Variants in ABCA5 observed in about 807,000 individuals in gnomAD.
ABCA5 encodes the protein ATP binding cassette subfamily A member 5.
ABCA5 carries 163 observed loss-of-function variants against 206.0 expected under a neutral mutation model. That is an observed-to-expected ratio of 0.79 (90% CI 0.70 to 0.90). The LOEUF (loss-of-function observed/expected upper bound fraction) is 0.90, where lower values mean the gene tolerates loss of function less well. ABCA5 is among the 40% of genes least tolerant of loss of function. The pLI is 0.00. For missense variants in ABCA5, 1,859 were observed against 1,912.9 expected (o/e 0.97, Z 0.53); for synonymous variants, 609 against 613.8 (o/e 0.99, Z 0.11).
intron 1 of ABCA5, among the ~76,000 whole-genome samples, chr17:69,316,400 T>C (rs1027989612): frequency 1.3e-5 from 2 of 151,124 alleles, no homozygotes; most frequent in African/African-American, 4.9e-5. Flanking sequence ...GGCAAAAGAA[T>C]CGCTTGAACC....
chr17:69,260,307 T>C, intron 27 of ABCA5, 31 bp downstream of exon 27: 6 of 1,508,768 alleles, frequency 4.0e-6, no homozygotes, highest in Non-Finnish European at 5.5e-6. Context: ...TTAAGGTACA[T>C]GCTAATTCAC....
intron 1 of ABCA5, among the ~76,000 whole-genome samples, chr17:69,324,512 A>C (rs188634416): frequency 8.1e-4 from 123 of 152,316 alleles, no homozygotes; most frequent in African/African-American, 2.9e-3. Flanking sequence ...TAATTTGTGC[A>C]CTCATATCTT....
At chr17:69,278,294 C>T (rs909601115) in intron 18 of ABCA5, among the ~76,000 whole-genome samples, 2 of 152,192 alleles carry the variant, frequency 1.3e-5, no homozygotes, top group African/African-American at 2.4e-5. Flanking sequence ...TATTTAAGAT[C>T]TTATTATCTC....
intron 6 of ABCA5, 86 bp downstream of exon 6, chr17:69,306,639 G>A (rs903201424): frequency 3.2e-6 from 2 of 620,250 alleles, no homozygotes; most frequent in Non-Finnish European, 4.7e-6. Context: ...CATCAAGTTA[G>A]GTAAATATCA....
intron 1 of ABCA5, chr17:69,317,003 G>C: frequency 6.6e-6 from 1 of 152,202 alleles, no homozygotes; most frequent in East Asian, 1.9e-4. Context: ...TCACAGTAGT[G>C]CTATTCAGAA....
chr17:69,284,162 G>T, intron 17 of ABCA5, 90 bp from the exon 18 acceptor site: 1 of 1,130,628 alleles, frequency 8.8e-7, no homozygotes, highest in Non-Finnish European at 1.2e-6. Flanking sequence ...TTCATGAACA[G>T]CCTGTGAAAC....
chr17:69,263,748 G>A (rs1261912723), intron 24 of ABCA5, among the ~76,000 whole-genome samples: 2 of 132,042 alleles, frequency 1.5e-5, no homozygotes, highest in East Asian at 4.2e-4. Context: ...CCAGGCTTGA[G>A]TGCAGTAGCA....
At chr17:69,285,014 A>G (rs545532096) in intron 17 of ABCA5, among the ~76,000 whole-genome samples, 1 of 152,330 alleles carries the variant, frequency 6.6e-6, no homozygotes, top group African/African-American at 2.4e-5. Context: ...CCTGGGTTCA[A>G]AACTCAGCTC....
chr17:69,285,520 T>C (rs926350349), intron 17 of ABCA5: 1 of 153,042 alleles, frequency 6.5e-6, no homozygotes, highest in Non-Finnish European at 1.5e-5. Context: ...TAATTCATTA[T>C]GAAATCATGA....
At chr17:69,260,899 T>A (rs1002899302) in intron 26 of ABCA5, among the ~76,000 whole-genome samples, 3 of 151,984 alleles carry the variant, frequency 2.0e-5, no homozygotes, top group South Asian at 4.1e-4. Flanking sequence ...ATTATATACA[T>A]CATTTTGAGC....
rs143617991 is a variant in ABCA5, at chr17:69,314,375, G to A, written c.41C>T (p.Thr14Ile). The A allele has an allele frequency of 6.1e-5, 99 of 1,613,534 alleles. No homozygotes were observed. In the African/African-American group the frequency reaches 1.2e-3, roughly 19 times the overall value. ...GTAATTCTTCAGTAGAAGTGTTCTGGTCTGTCTCCAAACTCCTACCTCCCT... is the reference window on the plus strand; with the variant it reads ...GTAATTCTTCAGTAGAAGTGTTCTGATCTGTCTCCAAACTCCTACCTCCCT... ...AIREVGVWRQTRTLLLKNYLI... is the reference protein window; with the variant it reads ...AIREVGVWRQIRTLLLKNYLI... The change falls in exon 2 of 39, where the codon ACC becomes ATC. Residue 14 changes from threonine (T) to isoleucine (I), a missense_variant. Transcript: ENST00000392676.
chr17:69,317,955 C>T (rs1471849853), intron 1 of ABCA5: 3 of 152,134 alleles, frequency 2.0e-5, no homozygotes, highest in African/African-American at 4.8e-5. Flanking sequence ...GAAATAACAA[C>T]AACAACAAAA....
chr17:69,295,806 A>G (rs1463180296), intron 10 of ABCA5, among the ~76,000 whole-genome samples: 1 of 152,232 alleles, frequency 6.6e-6, no homozygotes, highest in African/African-American at 2.4e-5. Flanking sequence ...TTTCTAGGCT[A>G]ACAGTTCATC....
In ABCA5 at chr17:69,272,685, C is replaced by T. The variant is rs2075285698; in HGVS notation, c.2764+1274G>A. Among the ~76,000 whole-genome samples the T allele has an allele frequency of 2.0e-5, 3 of 152,058 alleles. No individual in the cohort carries two copies. The South Asian group carries it at 6.2e-4, about 32-fold the overall frequency. ...AAAGAAAAAAAATTGCAAAACCTAA[C>T]ATTTTCCATTCGAGTAATTTTCCAT... On this transcript the variant is annotated intron_variant, in intron 20 of 38. Transcript: ENST00000392676.
intron 9 of ABCA5, among the ~76,000 whole-genome samples, chr17:69,300,167 G>C (rs2145007385): frequency 6.6e-6 from 1 of 152,324 alleles, no homozygotes; most frequent in Admixed American, 6.5e-5. Context: ...GGTCCCATCT[G>C]GGGGTGATGG....
chr17:69,303,863 T>C (rs375807983), intron 7 of ABCA5, among the ~76,000 whole-genome samples: 1 of 105,464 alleles, frequency 9.5e-6, no homozygotes, highest in African/African-American at 3.6e-5. Context: ...TATGTATATA[T>C]ATATATACAT....
At chr17:69,316,591 C>T (rs1246783198) in intron 1 of ABCA5, among the ~76,000 whole-genome samples, 1 of 99,612 alleles carries the variant, frequency 1.0e-5, no homozygotes, top group Non-Finnish European at 2.2e-5. Flanking sequence ...AGTATTAATG[C>T]TAAAAAAAAA....
chr17:69,266,850 GTATT>G (rs1252015775), intron 23 of ABCA5, among the ~76,000 whole-genome samples: 5 of 150,198 alleles, frequency 3.3e-5, no homozygotes, highest in African/African-American at 7.3e-5. Context: ...TTATTAGAAT[GTATT>G]TATTTATTTT....
chr17:69,262,412 G>T (rs568606934), intron 24 of ABCA5, among the ~76,000 whole-genome samples: 1 of 152,124 alleles, frequency 6.6e-6, no homozygotes, highest in Admixed American at 6.6e-5. Context: ...GTAGTGCCCA[G>T]TGTCTACTGT....
Sources: gnomAD v4.1 joint callset for allele counts (sites outside exome capture counted in the v4.1 genomes callset) on GRCh38, gnomAD v4.1.1 for gene constraint, MANE v1.5 for transcripts, NCBI Gene and HGNC (gene_info 2026-07-23, HGNC 2026-07-21) for gene names.